Variants in OSBPL10 observed in about 807,000 individuals in gnomAD.
The protein encoded by OSBPL10 is oxysterol binding protein like 10, also known as oxysterol-binding protein-related protein 10.
OSBPL10 carries 49 observed loss-of-function variants against 81.7 expected under a neutral mutation model. The observed-to-expected ratio is 0.60, with a 90% CI of 0.48 to 0.76. OSBPL10 has a LOEUF of 0.76. Among genes scored for constraint, OSBPL10 ranks in the 30% least tolerant of loss-of-function variants. OSBPL10 has a pLI of 0.00. For synonymous variants in OSBPL10, 419 were observed against 383.6 expected (o/e 1.09, Z -1.08); for missense variants, 923 against 987.8 (o/e 0.93, Z 0.88).
At chr3:32,011,001 C>G (rs1336914158) in intron 2 of OSBPL10, among the ~76,000 whole-genome samples, 1 of 152,232 alleles carries the variant, frequency 6.6e-6, no homozygotes. Context: ...CCTCTGTAGA[C>G]TCCACCTCTG....
intron 1 of OSBPL10, among the ~76,000 whole-genome samples, chr3:31,953,363 C>CCA (rs372440573): frequency 2.0e-3 from 298 of 151,978 alleles, no homozygotes; most frequent in African/African-American, 6.8e-3. Flanking sequence ...TTTAATACCC[C>CCA]CACACACACA....
chr3:31,746,753 CAT>C lies in OSBPL10; in HGVS notation c.940+1155_940+1156del, dbSNP rs1697534797. ...AAACCAAACACCGCATGTTCTCACT[CAT>C]AGGTGGGAATTGAACAATGAGAACA... On this transcript the variant is annotated intron_variant, in intron 5 of 11. Transcript: ENST00000396556. 1.1e-4 allele frequency among the ~76,000 whole-genome samples: 15 copies of C among 131,624 alleles called. No homozygotes were observed. In the South Asian group the frequency reaches 3.7e-3, roughly 32 times the overall value. The allele number at this position is 131,624 out of a possible 152,430, so 86.4% of individuals were successfully genotyped here.
At chr3:31,931,174 A>T (rs1697239057) in intron 1 of OSBPL10, among the ~76,000 whole-genome samples, 1 of 152,052 alleles carries the variant, frequency 6.6e-6, no homozygotes, top group South Asian at 2.1e-4. Flanking sequence ...GAAGGGGGAA[A>T]CAATTCATGG....
At chr3:31,884,737 A>G in intron 1 of OSBPL10, among the ~76,000 whole-genome samples, 1 of 152,210 alleles carries the variant, frequency 6.6e-6, no homozygotes, top group East Asian at 1.9e-4. Flanking sequence ...AAACATTCTT[A>G]AAGATCTTCC....
chr3:31,880,633 T>A (rs985125522), intron 1 of OSBPL10, among the ~76,000 whole-genome samples: 4 of 152,206 alleles, frequency 2.6e-5, no homozygotes. Context: ...CCCTGCTGAC[T>A]TTTCTACCTT....
At chr3:31,864,056 G>A (rs114190954) in intron 3 of OSBPL10, among the ~76,000 whole-genome samples, 3,210 of 152,274 alleles carry the variant, frequency 0.021, 113 homozygotes, top group African/African-American at 0.072. Flanking sequence ...AGTGCCAGAT[G>A]CAGAGGATGC....
intron 1 of OSBPL10, among the ~76,000 whole-genome samples, chr3:31,941,220 T>C (rs1170775178): frequency 6.6e-6 from 1 of 152,142 alleles, no homozygotes; most frequent in Non-Finnish European, 1.5e-5. Flanking sequence ...TAACCATATA[T>C]ACACAGGAGA....
intron 3 of OSBPL10, among the ~76,000 whole-genome samples, chr3:31,856,116 AC>A (rs1700908425): frequency 7.2e-6 from 1 of 138,958 alleles, no homozygotes; most frequent in South Asian, 2.4e-4. Context: ...ACACACACAC[AC>A]GTTTTAATCT....
At chr3:31,678,547 A>T (rs931235367) in intron 8 of OSBPL10, among the ~76,000 whole-genome samples, 3 of 152,192 alleles carry the variant, frequency 2.0e-5, no homozygotes, top group African/African-American at 7.2e-5. Flanking sequence ...GAATTCCCTA[A>T]ATCACCAAAA....
At chr3:32,015,243 C>G (rs1699302069) in intron 2 of OSBPL10, among the ~76,000 whole-genome samples, 1 of 152,112 alleles carries the variant, frequency 6.6e-6, no homozygotes, top group African/African-American at 2.4e-5. Context: ...GGTACCAAAA[C>G]AGAGATATAG....
intron 4 of OSBPL10, 35 bp downstream of exon 4, chr3:31,830,005 G>C: frequency 1.3e-6 from 2 of 1,574,790 alleles, no homozygotes; most frequent in South Asian, 1.2e-5. Flanking sequence ...CCAACTCCCC[G>C]GGGCTGCTTA....
intron 2 of OSBPL10, among the ~76,000 whole-genome samples, chr3:32,011,732 T>A (rs1425045648): frequency 4.6e-5 from 7 of 152,086 alleles, no homozygotes; most frequent in Admixed American, 4.6e-4. Context: ...TAATAACCAA[T>A]GCAGAGAAGT....
At chr3:31,886,489 G>A (rs1695739870) in intron 1 of OSBPL10, among the ~76,000 whole-genome samples, 1 of 152,202 alleles carries the variant, frequency 6.6e-6, no homozygotes, top group South Asian at 2.1e-4. Flanking sequence ...TGGAGAGGGT[G>A]GACCTCCCTG....
rs570028880 is a variant in OSBPL10, at chr3:31,838,776, A to C, written c.538-8545T>G. The stretch of plus-strand genomic sequence containing the variant: ...GCCAATATAGCATACTAATTCTCAG[A>C]TACTTAAACAATAAGCTCATTAGAG... On this transcript the variant is annotated intron_variant, in intron 3 of 11. Transcript: ENST00000396556. Among the ~76,000 whole-genome samples, 7 of 152,348 alleles carry C rather than the reference A, an allele frequency of 4.6e-5. No homozygotes were observed. The East Asian group carries it at 1.3e-3, about 29-fold the overall frequency.
chr3:31,923,359 T>C (rs1463618498), intron 1 of OSBPL10, among the ~76,000 whole-genome samples: 1 of 152,184 alleles, frequency 6.6e-6, no homozygotes, highest in Non-Finnish European at 1.5e-5. Context: ...AGAGTGAAAG[T>C]TGTCAGTTTG....
chr3:31,862,582 A>C (rs77969066), intron 3 of OSBPL10, among the ~76,000 whole-genome samples: 5,348 of 152,310 alleles, frequency 0.035, 316 homozygotes, highest in African/African-American at 0.12. Flanking sequence ...TAAATAACTC[A>C]TATGACTCAA....
chr3:32,045,133 G>C (rs1034192262), intron 2 of OSBPL10, among the ~76,000 whole-genome samples: 1 of 152,142 alleles, frequency 6.6e-6, no homozygotes, highest in Non-Finnish European at 1.5e-5. Flanking sequence ...TAGTGGGTGG[G>C]GCCATGAGCT....
At chr3:31,684,189 C>A in intron 7 of OSBPL10, 75 bp from the exon 8 acceptor site, 1 of 1,554,476 alleles carries the variant, frequency 6.4e-7, no homozygotes, top group Non-Finnish European at 8.7e-7. Flanking sequence ...GTAAAGGCTG[C>A]AACCACTGTT....
intron 4 of OSBPL10, chr3:31,797,643 A>G (rs7653447): frequency 0.63 from 218,394 of 344,112 alleles, 72,039 homozygotes; most frequent in East Asian, 0.8. Flanking sequence ...GCAAAAGGTC[A>G]CAGCTATTTT....
Sources: gnomAD v4.1 joint callset for allele counts (sites outside exome capture counted in the v4.1 genomes callset) on GRCh38, gnomAD v4.1.1 for gene constraint, MANE v1.5 for transcripts, NCBI Gene and HGNC (gene_info 2026-07-23, HGNC 2026-07-21) for gene names.